The following ZNF469 variants were observed in gnomAD, a reference collection of about 807,000 sequenced individuals.
The protein encoded by ZNF469 is zinc finger protein 469.
ZNF469 carries 1 observed loss-of-function variant against 1.0 expected under a neutral mutation model. The ratio of observed to expected loss-of-function variants is 1.00; its 90% CI spans 0.35 to 4.73. ZNF469 has a LOEUF of 4.73. Ranked by LOEUF, ZNF469 falls within the 30% of genes most tolerant of loss-of-function variation. The pLI is 0.16. For synonymous variants in ZNF469, 2,703 were observed against 2,363.4 expected, an observed-to-expected ratio of 1.14 and a Z score of -4.17; for missense variants, 6,100 against 5,356.3, an observed-to-expected ratio of 1.14 and a Z score of -4.33.
chr16:88,374,764 G>A, the ZNF469 span, among the ~76,000 whole-genome samples: 137 of 152,132 alleles, frequency 9.0e-4, no homozygotes, highest in South Asian at 3.1e-3. Flanking sequence ...GGCTGAGATC[G>A]GCGCCGTATG....
chr16:88,294,067 G>T, the ZNF469 span, among the ~76,000 whole-genome samples: 1 of 152,226 alleles, frequency 6.6e-6, no homozygotes, highest in Non-Finnish European at 1.5e-5. Flanking sequence ...CTCAAGAGAG[G>T]AGTCAGTGGC....
At chr16:88,261,459 G>C in the ZNF469 span, among the ~76,000 whole-genome samples, 1 of 152,198 alleles carries the variant, frequency 6.6e-6, no homozygotes, top group African/African-American at 2.4e-5. The surrounding 1 kb of genome is among the most constrained non-coding windows in gnomAD (Gnocchi z 6.0). Context: ...GCCAGAGGCG[G>C]GGGACTTGTC....
In ZNF469 at chr16:88,435,965, A is replaced by C; in HGVS notation, c.8495A>C (p.Gln2832Pro). Residue 2832 changes from glutamine to proline, a missense_variant, in exon 3 of 3, where the codon CAG becomes CCG. Physicochemically the swap from Gln to Pro is moderately conservative, Grantham distance 76. Transcript: ENST00000565624. ...AACCCAGACACCCAGGGTGGAGTCC[A>C]GGGGCCTGAAGGCCCCACTCCTGAT... ...PDNPDTQGGV[Q>P]GPEGPTPDAS... The C allele has an allele frequency of 3.2e-6, 5 of 1,550,054 alleles. No homozygotes were observed. The highest frequency in any genetic ancestry group is 3.5e-6 in the Non-Finnish European group (4 of 1,146,980).
chr16:88,105,303 CTTTTTTT>C, the ZNF469 span, among the ~76,000 whole-genome samples: 1 of 129,954 alleles, frequency 7.7e-6, no homozygotes, highest in Non-Finnish European at 1.6e-5. Context: ...TTCTTTCTTT[CTTTTTTT>C]TTTTTTTTTT....
upstream of ZNF469, among the ~76,000 whole-genome samples, chr16:88,378,805 T>G (rs1257844439): frequency 1.3e-5 from 2 of 152,192 alleles, no homozygotes; most frequent in Non-Finnish European, 2.9e-5. Context: ...GCCCATGAGA[T>G]CACAGGTGAA....
the ZNF469 span, among the ~76,000 whole-genome samples, chr16:88,201,244 G>T: frequency 6.6e-6 from 1 of 152,184 alleles, no homozygotes; most frequent in Non-Finnish European, 1.5e-5. The surrounding 1 kb of genome is among the most constrained non-coding windows in gnomAD (Gnocchi z 5.0). Flanking sequence ...TCTTTTTAAA[G>T]AAAATAACCC....
At chr16:88,299,854 T>C in the ZNF469 span, among the ~76,000 whole-genome samples, 1 of 152,220 alleles carries the variant, frequency 6.6e-6, no homozygotes, top group African/African-American at 2.4e-5. Flanking sequence ...CCAGCCACTC[T>C]GGCTGGAGTT....
At chr16:88,136,518 G>A in the ZNF469 span, among the ~76,000 whole-genome samples, 3 of 152,368 alleles carry the variant, frequency 2.0e-5, no homozygotes, top group East Asian at 5.8e-4. Context: ...TTAGATGCAT[G>A]AGTTGTGTGC....
chr16:88,369,717 G>A, the ZNF469 span, among the ~76,000 whole-genome samples: 1 of 152,240 alleles, frequency 6.6e-6, no homozygotes, highest in African/African-American at 2.4e-5. Flanking sequence ...GACAGAGCAG[G>A]CTCTTGCAGA....
chr16:88,390,959 C>G (rs1241157661), intron 1 of ZNF469, among the ~76,000 whole-genome samples: 1 of 152,234 alleles, frequency 6.6e-6, no homozygotes, highest in African/African-American at 2.4e-5. Context: ...CCGAAAGACC[C>G]GACCCAGGCA....
the ZNF469 span, among the ~76,000 whole-genome samples, chr16:88,342,480 C>T: frequency 0.011 from 1,635 of 152,272 alleles, 33 homozygotes; most frequent in African/African-American, 0.037. Context: ...AGAGGATGAT[C>T]GGGGAAAGCT....
chr16:88,304,291 C>T, the ZNF469 span, among the ~76,000 whole-genome samples: 6 of 152,170 alleles, frequency 3.9e-5, no homozygotes, highest in East Asian at 1.9e-4. Context: ...GACACCAGGG[C>T]GATGGAATGC....
chr16:88,195,385 C>T, the ZNF469 span, among the ~76,000 whole-genome samples: 2 of 152,162 alleles, frequency 1.3e-5, no homozygotes, highest in African/African-American at 4.8e-5. Context: ...GTGGGCCCCG[C>T]TGGGTGGTTT....
the ZNF469 span, among the ~76,000 whole-genome samples, chr16:88,341,938 C>T: frequency 1.4e-4 from 22 of 152,264 alleles, 1 homozygote; most frequent in African/African-American, 4.6e-4. Flanking sequence ...GTGCAGGTGT[C>T]GGGGCGGCCA....
rs538121526 is a variant in ZNF469 at position 88,429,633 on chromosome 16, C to T, written c.2163C>T (p.Ser721=). 5 of 1,544,448 alleles carry T rather than the reference C, an allele frequency of 3.2e-6. No individual in the cohort carries two copies. Among genetic ancestry groups the T allele is most frequent in the Middle Eastern group, 1.7e-4 (1 of 5,974 alleles). The change falls in exon 3 of 3, where the codon AGC becomes AGT. Residue 721 remains serine, a synonymous_variant. Transcript: ENST00000565624. ...PYPTHHFSLS[S]ASLDQLDVLL... ...CCACACACCACTTCTCCCTCAGCAG[C>T]GCCAGCCTGGACCAGCTGGACGTGC...
intron 1 of ZNF469, among the ~76,000 whole-genome samples, chr16:88,422,444 GTGGATGGATGGGTGGATGGGTGA>G (rs1270845551): frequency 7.4e-6 from 1 of 134,586 alleles, no homozygotes; most frequent in Non-Finnish European, 1.6e-5. Context: ...GGGTGGGTGG[GTGGATGGATGGGTGGATGGGTGA>G]TGGATGGATG....
the ZNF469 span, among the ~76,000 whole-genome samples, chr16:88,151,289 G>A: frequency 5.3e-5 from 8 of 152,244 alleles, no homozygotes; most frequent in African/African-American, 1.4e-4. This position sits in a 1 kb window ranked among gnomAD's most constrained non-coding sequence, Gnocchi z 5.4. Context: ...ACACGGGCGC[G>A]GGCCGTGGTC....
the ZNF469 span, among the ~76,000 whole-genome samples, chr16:88,180,137 C>G: frequency 2.6e-5 from 4 of 151,776 alleles, no homozygotes; most frequent in African/African-American, 9.7e-5. Context: ...AAAAAAAGTA[C>G]TTGATCCAAT....
upstream of ZNF469, among the ~76,000 whole-genome samples, chr16:88,381,325 G>C (rs2092524344): frequency 8.4e-6 from 1 of 119,440 alleles, no homozygotes; most frequent in East Asian, 2.6e-4. Context: ...CACACACAGA[G>C]ACATGCACTC....
Sources: allele counts gnomAD v4.1 joint callset (sites outside exome capture counted in the v4.1 genomes callset), GRCh38; gene constraint gnomAD v4.1.1; non-coding constraint Gnocchi (gnomAD v3.1); transcripts MANE v1.5; gene names NCBI Gene and HGNC (gene_info 2026-07-23, HGNC 2026-07-21).